The following CDH13 variants were observed in gnomAD, a reference collection of about 807,000 sequenced individuals.
The protein encoded by CDH13 is cadherin 13, also known as cadherin-13.
In CDH13, 24 loss-of-function variants were observed where a neutral mutation model predicts 63.8. That is an observed-to-expected ratio of 0.38 (90% CI 0.27 to 0.53). CDH13 has a LOEUF of 0.53. Ranked by LOEUF, CDH13 falls within the 20% of genes least tolerant of loss-of-function variation. The probability of loss-of-function intolerance (pLI) is 0.85; values close to 1 mark genes in which losing one functional copy is unlikely to be tolerated. For missense variants in CDH13, 1,049 were observed against 903.1 expected (o/e 1.16, Z -2.07); for synonymous variants, 503 against 355.3 (o/e 1.42, Z -4.67).
chr16:83,535,879 G>A (rs1276560184), intron 7 of CDH13, among the ~76,000 whole-genome samples: 6 of 148,004 alleles, frequency 4.1e-5, no homozygotes, highest in African/African-American at 1.2e-4. Flanking sequence ...GAGAGAGGAA[G>A]AGAAAGAGAA....
At chr16:82,821,842 A>G (rs1287560814) in intron 1 of CDH13, among the ~76,000 whole-genome samples, 1 of 152,206 alleles carries the variant, frequency 6.6e-6, no homozygotes, top group South Asian at 2.1e-4. Context: ...TGGTTTCAGG[A>G]GGAGGGAAGA....
chr16:82,888,135 C>G (rs1269060100), intron 2 of CDH13, among the ~76,000 whole-genome samples: 3 of 152,164 alleles, frequency 2.0e-5, no homozygotes, highest in African/African-American at 7.2e-5. Context: ...CCAAAAAGCA[C>G]CGAACAACCT....
intron 8 of CDH13, among the ~76,000 whole-genome samples, chr16:83,652,458 G>T (rs1476827618): frequency 6.6e-6 from 1 of 152,060 alleles, no homozygotes; most frequent in African/African-American, 2.4e-5. Context: ...TCCATGGGCT[G>T]CAGGGGTCTG....
chr16:83,358,193 T>TGA (rs2091094127), intron 6 of CDH13, among the ~76,000 whole-genome samples: 1 of 152,124 alleles, frequency 6.6e-6, no homozygotes, highest in South Asian at 2.1e-4. Context: ...TGTGGTGATG[T>TGA]GAGGAAGTAC....
chr16:82,792,828 T>C (rs1390641099), intron 1 of CDH13, among the ~76,000 whole-genome samples: 1 of 152,250 alleles, frequency 6.6e-6, no homozygotes, highest in Non-Finnish European at 1.5e-5. Flanking sequence ...CCAGGCTGCG[T>C]GACATCATTC....
chr16:83,679,518 A>G (rs1312509936), intron 10 of CDH13, among the ~76,000 whole-genome samples: 4 of 152,362 alleles, frequency 2.6e-5, no homozygotes, highest in Non-Finnish European at 5.9e-5. Flanking sequence ...TTCCAACACC[A>G]AAAGTGGATT....
chr16:83,274,551 T>C (rs1414371485), intron 5 of CDH13, among the ~76,000 whole-genome samples: 2 of 146,366 alleles, frequency 1.4e-5, no homozygotes, highest in African/African-American at 4.9e-5. Flanking sequence ...CTCTAAGTAA[T>C]GTATTCCTTC....
intron 7 of CDH13, among the ~76,000 whole-genome samples, chr16:83,577,244 T>A (rs1290811142): frequency 6.6e-6 from 1 of 152,242 alleles, no homozygotes; most frequent in African/African-American, 2.4e-5. Context: ...CCTGTCCTAC[T>A]GTGTCCACTG....
chr16:83,533,993 A>G (rs2075135854), intron 7 of CDH13, among the ~76,000 whole-genome samples: 1 of 152,210 alleles, frequency 6.6e-6, no homozygotes, highest in African/African-American at 2.4e-5. Context: ...CACATGACAT[A>G]AAAATTAACC....
intron 7 of CDH13, among the ~76,000 whole-genome samples, chr16:83,499,297 C>T (rs192860019): frequency 2.2e-4 from 33 of 152,306 alleles, no homozygotes; most frequent in African/African-American, 7.2e-4. Flanking sequence ...TTTGTTTATA[C>T]ACGTAGAGCA....
At chr16:83,101,920 T>A (rs72798339) in intron 3 of CDH13, among the ~76,000 whole-genome samples, 9,124 of 152,284 alleles carry the variant, frequency 0.06, 317 homozygotes, top group Non-Finnish European at 0.072. Context: ...ATTGTTCACA[T>A]TCTACTCCTT....
chr16:82,895,528 C>T (rs566908488), intron 2 of CDH13, among the ~76,000 whole-genome samples: 1 of 152,168 alleles, frequency 6.6e-6, no homozygotes, highest in Admixed American at 6.5e-5. Context: ...CACACAATTA[C>T]CAACCAAAGA....
chr16:83,149,581 C>G (rs908817732), intron 4 of CDH13, among the ~76,000 whole-genome samples: 1 of 152,094 alleles, frequency 6.6e-6, no homozygotes, highest in Non-Finnish European at 1.5e-5. Context: ...TCTTTGTCTA[C>G]TGAAATTATT....
intron 6 of CDH13, among the ~76,000 whole-genome samples, chr16:83,374,993 G>A (rs766735132): frequency 4.6e-5 from 7 of 152,288 alleles, no homozygotes; most frequent in African/African-American, 7.2e-5. Flanking sequence ...AAGAAATTCC[G>A]AAAATGATGT....
chr16:83,308,147 C>T (rs1300339567), intron 5 of CDH13, among the ~76,000 whole-genome samples: 3 of 152,120 alleles, frequency 2.0e-5, no homozygotes, highest in Admixed American at 2.0e-4. Context: ...TATTTCATTA[C>T]TATTCAATAT....
chr16:82,635,326 G>C (rs1293505886), intron 1 of CDH13, among the ~76,000 whole-genome samples: 2 of 152,234 alleles, frequency 1.3e-5, no homozygotes, highest in African/African-American at 4.8e-5. Flanking sequence ...ATCTGGAGGA[G>C]CAGTAGGGCT....
intron 5 of CDH13, among the ~76,000 whole-genome samples, chr16:83,239,780 A>G (rs1313703545): frequency 1.3e-5 from 2 of 152,186 alleles, no homozygotes; most frequent in Non-Finnish European, 2.9e-5. Context: ...TTCCACCCTC[A>G]GGGAACTTAC....
In CDH13 at chr16:83,607,641, C is replaced by G. The variant is rs541440840; in HGVS notation, c.1101+5047C>G. On this transcript the variant is annotated intron_variant, in intron 8 of 13. Transcript: ENST00000567109. ...GAACGAAGATTGTACTTAAAATTGC[C>G]GCTGATACATGAAATCAATTTTCAG... is the stretch of plus-strand genomic sequence containing the variant. Among the ~76,000 whole-genome samples, 14 of 152,168 alleles carry G rather than the reference C, an allele frequency of 9.2e-5. 1 individual carries two copies. The Middle Eastern group carries it at 0.014, about 149-fold the overall frequency.
At chr16:83,197,739 T>C (rs1379038949) in intron 4 of CDH13, among the ~76,000 whole-genome samples, 1 of 151,774 alleles carries the variant, frequency 6.6e-6, no homozygotes, top group Non-Finnish European at 1.5e-5. Context: ...AATACGTAGA[T>C]AAAACTGCAA....
Sources: allele counts gnomAD v4.1 joint callset (sites outside exome capture counted in the v4.1 genomes callset), GRCh38; gene constraint gnomAD v4.1.1; transcripts MANE v1.5; gene names NCBI Gene and HGNC (gene_info 2026-07-23, HGNC 2026-07-21).